The following RBM44 variants were observed in gnomAD, a reference collection of about 807,000 sequenced individuals.
RBM44 encodes the protein RNA-binding protein 44.
A neutral mutation model predicts 105.1 loss-of-function variants in RBM44; 66 were observed. The observed-to-expected ratio is 0.63, with a 90% CI of 0.52 to 0.77. The LOEUF is 0.77. Among genes scored for constraint, RBM44 ranks in the 30% least tolerant of loss-of-function variants. The pLI is 0.00. For synonymous variants in RBM44, 365 were observed against 417.6 expected (o/e 0.87, Z 1.54); for missense variants, 1,122 against 1,207.8 (o/e 0.93, Z 1.05).
chr2:237,818,961 TA>T lies in RBM44; in HGVS notation c.1736+3del, dbSNP rs2061753273. Reference sequence around the variant, plus strand: ...AGACCTAAAGAAACATCCTGAGAGGTACATCATTTATATATGCTTACAGATA... The same window carrying T: ...AGACCTAAAGAAACATCCTGAGAGGTCATCATTTATATATGCTTACAGATA... On this transcript the variant is annotated splice_donor_region_variant and intron_variant, in intron 4 of 15. Coordinates refer to ENST00000316997, the MANE Select transcript of RBM44 (RefSeq NM_001080504.3). The surrounding 1 kb of genome is among the most constrained non-coding windows in gnomAD (Gnocchi z 4.6). 7.0e-7 allele frequency: 1 copy of T among 1,429,572 alleles called. No individual in the cohort carries two copies. The highest frequency in any genetic ancestry group is 9.6e-7 in the Non-Finnish European group (1 of 1,045,646). The allele number at this position is 1,429,572 out of a possible 1,614,324, so 88.6% of individuals were successfully genotyped here. A position where few individuals can be genotyped will look rare whatever the true frequency, so the allele number is the denominator to read the frequency against.
In RBM44 at chr2:237,820,321, T is replaced by G; in HGVS notation, c.1883T>G (p.Leu628Arg). The change falls in exon 5 of 16, where the codon CTT (leucine) becomes CGT (arginine). Residue 628 changes from leucine to arginine, a missense_variant. By Grantham distance (102) the Leu-to-Arg change is moderately radical. This residue lies in a region of RBM44 where 918 missense variants were observed against 955.3 expected (regional missense o/e 0.96). Coordinates refer to ENST00000316997, the MANE Select transcript of RBM44 (RefSeq NM_001080504.3). The stretch of plus-strand genomic sequence containing the variant: ...CGCCATTGTTGTGATATTTACAAAC[T>G]TGTCATGGAAAATAGGGAAGGATTA... Reference protein sequence around the residue: ...CRRHCCDIYKLVMENREGLNM... With the variant: ...CRRHCCDIYKRVMENREGLNM... 1 of 1,597,096 alleles carries G rather than the reference T, an allele frequency of 6.3e-7. No homozygotes were observed. Among genetic ancestry groups the G allele is most frequent in the Non-Finnish European group, 8.5e-7 (1 of 1,171,590 alleles).
At chr2:237,812,290 A>C (rs911999134) in intron 1 of RBM44, among the ~76,000 whole-genome samples, 5 of 152,224 alleles carry the variant, frequency 3.3e-5, no homozygotes, top group Non-Finnish European at 7.4e-5. Context: ...GCTTATTTTT[A>C]GTTCTTTCCT....
Position 237,821,060 on chromosome 2 carries a change from CTT to C in RBM44, c.1914-8_1914-7del. On this transcript the variant is annotated splice_polypyrimidine_tract_variant and intron_variant, in intron 5 of 15. Coordinates refer to ENST00000316997, the MANE Select transcript of RBM44 (RefSeq NM_001080504.3). Reference sequence around the variant, plus strand: ...AAATAATTTAGTTTTGTGCACTCAACTTTTGAACAGGAATTTATCAAGTAATT... The same window carrying C: ...AAATAATTTAGTTTTGTGCACTCAACTTGAACAGGAATTTATCAAGTAATT... 10 of 1,574,508 alleles carry C rather than the reference CTT, an allele frequency of 6.4e-6. No homozygotes were observed. Among genetic ancestry groups the C allele is most frequent in the Non-Finnish European group, 8.6e-6 (10 of 1,166,978 alleles).
Position 237,817,524 on chromosome 2 carries a change from CT to C in RBM44, c.609del (p.Phe203LeufsTer7). 3.7e-6 allele frequency: 6 copies of C among 1,609,578 alleles called. No individual in the cohort carries two copies. Among genetic ancestry groups the C allele is most frequent in the Non-Finnish European group, 5.1e-6 (6 of 1,177,608 alleles). The stretch of plus-strand genomic sequence containing the variant: ...CAAGAATACATAAGTAACCATTTAT[CT>C]TTTGACCAAACAAAAGCATTAGATA... Reference protein sequence around the residue: ...EEQEYISNHLSFDQTKALDIS... With the variant: ...EEQEYISNHLXFDQTKALDIS... On this transcript the variant is annotated frameshift_variant, in exon 3 of 16. Coordinates refer to ENST00000316997, the MANE Select transcript of RBM44 (RefSeq NM_001080504.3). LOFTEE classifies it high-confidence loss of function.
At chr2:237,828,930 C>T (rs141694076) in intron 12 of RBM44, among the ~76,000 whole-genome samples, 228 of 152,154 alleles carry the variant, frequency 1.5e-3, no homozygotes, top group Middle Eastern at 6.8e-3. Flanking sequence ...CTCTGCAACT[C>T]TATCATATAT....
In RBM44 at chr2:237,803,333, ACACACACACACATACTTTCTCTCTCACT is replaced by A. The variant is rs1559904121; in HGVS notation, c.-19+4485_-19+4512del. Among the ~76,000 whole-genome samples, 3 of 150,470 alleles carry A rather than the reference ACACACACACACATACTTTCTCTCTCACT, an allele frequency of 2.0e-5. No individual in the cohort carries two copies. The highest frequency in any genetic ancestry group is 2.1e-4 in the South Asian group (1 of 4,768). ...CACACACACACATACTCTCTCTCTC[ACACACACACACATACTTTCTCTCTCACT>A]CACACACACACACACAAATTTTAAG... is the stretch of plus-strand genomic sequence containing the variant. On this transcript the variant is annotated intron_variant, in intron 1 of 15. Coordinates refer to ENST00000316997, the MANE Select transcript of RBM44 (RefSeq NM_001080504.3). The surrounding 1 kb of genome is among the most constrained non-coding windows in gnomAD (Gnocchi z 4.2).
chr2:237,829,335 T>C lies in RBM44; in HGVS notation c.2719T>C (p.Tyr907His). Reference sequence around the variant, plus strand: ...GTGGCCTGTTAAAATTCTTGGAGAATATACATCACCACTTTCCTCCAAAAA... The same window carrying C: ...GTGGCCTGTTAAAATTCTTGGAGAACATACATCACCACTTTCCTCCAAAAA... ...NVWPVKILGE[Y>H]TSPLSSKNGN... Residue 907 changes from tyrosine to histidine, a missense_variant, in exon 13 of 16, where the codon TAT (tyrosine) becomes CAT (histidine). Around this residue, in one of 3 missense-constraint regions of RBM44, gnomAD observed 194 missense variants for 225.5 expected, o/e 0.86. Coordinates refer to ENST00000316997, the MANE Select transcript of RBM44 (RefSeq NM_001080504.3). 6.2e-7 allele frequency: 1 copy of C among 1,613,546 alleles called. No individual in the cohort carries two copies. Among genetic ancestry groups the C allele is most frequent in the Non-Finnish European group, 8.5e-7 (1 of 1,179,594 alleles).
At chr2:237,800,697 A>T (rs540947802) in intron 1 of RBM44, among the ~76,000 whole-genome samples, 9 of 151,320 alleles carry the variant, frequency 5.9e-5, no homozygotes, top group African/African-American at 1.9e-4. Context: ...TTACCCAAAT[A>T]AAAAAAAATA....
In RBM44 at chr2:237,819,529, G is replaced by A. The variant is rs78894260; in HGVS notation, c.1736+570G>A. ...ATTCTTCTAATATGTTTAATCTGGC[G>A]TTTCAGTTCTATACAATTAAATTAT... On this transcript the variant is annotated intron_variant, in intron 4 of 15. Transcript: ENST00000316997. 5.4e-3 allele frequency among the ~76,000 whole-genome samples: 820 copies of A among 151,892 alleles called. 5 individuals carry two copies. Among genetic ancestry groups the A allele is most frequent in the South Asian group, 0.03 (143 of 4,816 alleles).
At chr2:237,831,323 C>T (rs1372995174) in intron 13 of RBM44, among the ~76,000 whole-genome samples, 1 of 151,684 alleles carries the variant, frequency 6.6e-6, no homozygotes, top group Admixed American at 6.6e-5. Flanking sequence ...TTCTGTCGCC[C>T]AGGCTGGAGT....
intron 1 of RBM44, among the ~76,000 whole-genome samples, chr2:237,804,977 T>TA (rs2061583965): frequency 6.6e-6 from 1 of 152,210 alleles, no homozygotes; most frequent in Non-Finnish European, 1.5e-5. Context: ...CTCATTGTAA[T>TA]ACTGGAAGTC....
In RBM44 at chr2:237,814,815, A is replaced by G. The variant is rs139027753; in HGVS notation, c.73+1133A>G. 2.0e-3 allele frequency among the ~76,000 whole-genome samples: 310 copies of G among 152,298 alleles called. 1 individual carries two copies. The highest frequency in any genetic ancestry group is 7.2e-3 in the African/African-American group (298 of 41,580). On this transcript the variant is annotated intron_variant, in intron 2 of 15. Transcript: ENST00000316997. ...GACAATTGACCATCCATTTTGGAAG[A>G]AAGTTAAGTTAGAGTTCTACCTTAT... is the stretch of plus-strand genomic sequence containing the variant.
At position 237,824,389 on chromosome 2, in the gene RBM44, C is replaced by G; in HGVS notation, c.2419C>G (p.Gln807Glu). 1.2e-6 allele frequency: 2 copies of G among 1,612,632 alleles called. No individual in the cohort carries two copies. Among genetic ancestry groups the G allele is most frequent in the Non-Finnish European group, 1.7e-6 (2 of 1,179,090 alleles). The change falls in exon 10 of 16, where the codon CAA becomes GAA. Residue 807 changes from glutamine (Q) to glutamate (E), a missense_variant. This residue lies in a region of RBM44 where 918 missense variants were observed against 955.3 expected (regional missense o/e 0.96). Transcript: ENST00000316997. ...AGGGACACAGGGAAATCAAGTAGAA[C>G]AAGACACATGGAATTTGGATCTTAC... ...VSGTQGNQVE[Q>E]DTWNLDLTGE...
chr2:237,831,254 G>T lies in RBM44; in HGVS notation c.2886+1752G>T, dbSNP rs915680071. On this transcript the variant is annotated intron_variant, in intron 13 of 15. Transcript: ENST00000316997. ...TTTGTCCTTTTTTTTGGGGGGGGGG[G>T]GGTTTGTCTTTGTTTTTGTTTGTTT... Among the ~76,000 whole-genome samples, 573 of 131,176 alleles carry T rather than the reference G, an allele frequency of 4.4e-3. 9 individuals are homozygous for T. Among genetic ancestry groups the T allele is most frequent in the African/African-American group, 0.015 (547 of 36,162 alleles). The allele number at this position is 131,176 out of a possible 152,430, so 86.1% of individuals were successfully genotyped here. A position where few individuals can be genotyped will look rare whatever the true frequency, so the allele number is the denominator to read the frequency against.
chr2:237,810,209 T>C (rs951223291), intron 1 of RBM44, among the ~76,000 whole-genome samples: 5 of 152,244 alleles, frequency 3.3e-5, no homozygotes, highest in African/African-American at 1.2e-4. Context: ...ATTTCAAGTG[T>C]TTAATAGCCA....
intron 1 of RBM44, chr2:237,799,213 C>G (rs2061519451): frequency 6.6e-6 from 1 of 152,212 alleles, no homozygotes; most frequent in Non-Finnish European, 1.5e-5. Flanking sequence ...GCCGTGGAGA[C>G]TGATGGAGCC....
chr2:237,820,320 C>G lies in RBM44; in HGVS notation c.1882C>G (p.Leu628Val), dbSNP rs1434402253. 1 of 1,596,002 alleles carries G rather than the reference C, an allele frequency of 6.3e-7. No individual in the cohort carries two copies. Among genetic ancestry groups the G allele is most frequent in the African/African-American group, 1.4e-5 (1 of 73,974 alleles). Residue 628 changes from leucine (L) to valine (V), a missense_variant, in exon 5 of 16, where the codon CTT (leucine) becomes GTT (valine). Coordinates refer to ENST00000316997, the MANE Select transcript of RBM44 (RefSeq NM_001080504.3). ...TCGCCATTGTTGTGATATTTACAAA[C>G]TTGTCATGGAAAATAGGGAAGGATT... ...CRRHCCDIYKLVMENREGLNM... is the reference protein window; with the variant it reads ...CRRHCCDIYKVVMENREGLNM...
At chr2:237,799,455 CCTGA>C (rs1321623632) in intron 1 of RBM44, 42 of 152,246 alleles carry the variant, frequency 2.8e-4, no homozygotes, top group African/African-American at 9.9e-4. Flanking sequence ...ACGCACAGGG[CCTGA>C]CTTTTTGCAT....
intron 15 of RBM44, among the ~76,000 whole-genome samples, chr2:237,837,647 A>T (rs2061973075): frequency 6.6e-6 from 1 of 151,858 alleles, no homozygotes; most frequent in Non-Finnish European, 1.5e-5. Flanking sequence ...CTTATTGTGG[A>T]TAAGCAAAGA....
Sources: gnomAD v4.1 joint callset for allele counts (sites outside exome capture counted in the v4.1 genomes callset) on GRCh38, gnomAD v4.1.1 for gene constraint, gnomAD v4.1.1 regional missense constraint, Gnocchi (gnomAD v3.1) non-coding constraint, MANE v1.5 for transcripts, NCBI Gene and HGNC (gene_info 2026-07-23, HGNC 2026-07-21) for gene names.